The following C12orf54 variants were observed in gnomAD, a reference collection of about 807,000 sequenced individuals.
The protein encoded by C12orf54 is uncharacterized protein C12orf54.
C12orf54 carries 24 observed loss-of-function variants against 26.4 expected under a neutral mutation model. The observed-to-expected ratio is 0.91, with a 90% CI of 0.66 to 1.28. C12orf54 has a LOEUF of 1.28. Among genes scored for constraint, C12orf54 ranks in the 50% most tolerant of loss-of-function variants. The probability of loss-of-function intolerance (pLI) is 0.00; values close to 1 mark genes in which losing one functional copy is unlikely to be tolerated. For missense variants in C12orf54, 154 were observed against 150.9 expected (o/e 1.02, Z -0.11); for synonymous variants, 54 against 47.0 (o/e 1.15, Z -0.61).
chr12:48,492,378 A>C (rs17123105), intron 6 of C12orf54, among the ~76,000 whole-genome samples: 22,272 of 152,114 alleles, frequency 0.15, 2,858 homozygotes, highest in East Asian at 0.66. Context: ...AAGGTTCAAA[A>C]AGTCAAAAAG....
chr12:48,487,873 G>C, intron 4 of C12orf54: 1 of 564,740 alleles, frequency 1.8e-6, no homozygotes, highest in East Asian at 2.8e-5. Context: ...TTCATGGCTG[G>C]GTAACACAGT....
the C12orf54 span, among the ~76,000 whole-genome samples, chr12:48,429,272 C>G: frequency 6.6e-6 from 1 of 152,072 alleles, no homozygotes; most frequent in African/African-American, 2.4e-5. Flanking sequence ...CAAGGATGCC[C>G]ACTCTCACCA....
Position 48,483,192 on chromosome 12 carries a change from T to C in C12orf54, c.-57-48T>C, listed in dbSNP as rs932965096. On this transcript the variant is annotated intron_variant, in intron 1 of 8. Transcript: ENST00000548364. ...TTCTCCACTGAATAAGCGCTTTTCT[T>C]CTCACCATGTACCTGCCTTCTCCGC... The C allele has an allele frequency of 9.3e-6, 9 of 966,602 alleles. No individual in the cohort carries two copies. The African/African-American group carries it at 1.5e-4, about 16-fold the overall frequency. The allele number at this position is 966,602 out of a possible 1,614,324, so 59.9% of individuals were successfully genotyped here.
chr12:48,435,827 A>T, the C12orf54 span, among the ~76,000 whole-genome samples: 4 of 152,228 alleles, frequency 2.6e-5, no homozygotes, highest in African/African-American at 9.6e-5. Flanking sequence ...AACACCATCA[A>T]GGCTAGGAAG....
the C12orf54 span, among the ~76,000 whole-genome samples, chr12:48,434,308 C>CCTGT: frequency 1.3e-5 from 2 of 152,224 alleles, no homozygotes; most frequent in African/African-American, 4.8e-5. Context: ...AGGAGGACTG[C>CCTGT]CTGCCTCTGT....
At chr12:48,480,472 A>G (rs1169101838), upstream of C12orf54, among the ~76,000 whole-genome samples, 4 of 152,340 alleles carry the variant, frequency 2.6e-5, no homozygotes, top group East Asian at 7.7e-4. Context: ...CAACAAATAT[A>G]TGAAAAAATG....
chr12:48,420,847 G>T, the C12orf54 span, among the ~76,000 whole-genome samples: 2 of 152,066 alleles, frequency 1.3e-5, no homozygotes, highest in Non-Finnish European at 2.9e-5. Flanking sequence ...AGTCTACCTT[G>T]CCTGTTTGAT....
chr12:48,470,586 T>C, the C12orf54 span, among the ~76,000 whole-genome samples: 1 of 152,150 alleles, frequency 6.6e-6, no homozygotes, highest in Non-Finnish European at 1.5e-5. Context: ...AGATGCATAG[T>C]TTGCAAATAT....
At chr12:48,466,307 G>T in the C12orf54 span, among the ~76,000 whole-genome samples, 1 of 152,190 alleles carries the variant, frequency 6.6e-6, no homozygotes, top group Non-Finnish European at 1.5e-5. Flanking sequence ...ACTTTGGGAG[G>T]CCTACGCAAA....
upstream of C12orf54, among the ~76,000 whole-genome samples, chr12:48,481,115 C>T (rs994258304): frequency 6.6e-6 from 1 of 152,174 alleles, no homozygotes; most frequent in African/African-American, 2.4e-5. Flanking sequence ...GTCTGGGTGA[C>T]AGGATCAATA....
chr12:48,491,979 A>G (rs1215299105), intron 6 of C12orf54, among the ~76,000 whole-genome samples: 1 of 152,174 alleles, frequency 6.6e-6, no homozygotes, highest in Non-Finnish European at 1.5e-5. Flanking sequence ...CCCACTGATT[A>G]TCAAGGATAT....
At chr12:48,440,078 C>T in the C12orf54 span, among the ~76,000 whole-genome samples, 1 of 151,610 alleles carries the variant, frequency 6.6e-6, no homozygotes, top group Non-Finnish European at 1.5e-5. Flanking sequence ...TACAAAAATT[C>T]GCCAACTATG....
the C12orf54 span, among the ~76,000 whole-genome samples, chr12:48,414,304 G>A: frequency 6.6e-6 from 1 of 152,222 alleles, no homozygotes; most frequent in Non-Finnish European, 1.5e-5. Context: ...ATAAGCTCCT[G>A]ACTACTGCCT....
the C12orf54 span, among the ~76,000 whole-genome samples, chr12:48,416,050 C>A: frequency 6.6e-6 from 1 of 152,178 alleles, no homozygotes; most frequent in Non-Finnish European, 1.5e-5. Flanking sequence ...GCAGCAAGCC[C>A]TATAACTGTA....
At chr12:48,480,207 T>TTGA (rs779712077), upstream of C12orf54, among the ~76,000 whole-genome samples, 17 of 152,202 alleles carry the variant, frequency 1.1e-4, no homozygotes, top group Non-Finnish European at 2.4e-4. Flanking sequence ...AAAAAGAATG[T>TTGA]ATGGTTGAAA....
intron 5 of C12orf54, among the ~76,000 whole-genome samples, chr12:48,489,869 G>A (rs753557412): frequency 2.2e-4 from 33 of 151,928 alleles, no homozygotes; most frequent in Non-Finnish European, 4.0e-4. Context: ...TTACAGGTAT[G>A]TGCCACCACG....
chr12:48,433,725 G>A, the C12orf54 span, among the ~76,000 whole-genome samples: 3 of 152,166 alleles, frequency 2.0e-5, no homozygotes, highest in Non-Finnish European at 4.4e-5. Context: ...GGAATTACAG[G>A]TGTGAGCCAC....
chr12:48,437,704 G>T, the C12orf54 span, among the ~76,000 whole-genome samples: 1 of 152,192 alleles, frequency 6.6e-6, no homozygotes, highest in Middle Eastern at 3.4e-3. Flanking sequence ...ATTCAACAAT[G>T]CTTCATGCTA....
At chr12:48,453,674 G>GCAAAAT in the C12orf54 span, among the ~76,000 whole-genome samples, 1 of 144,020 alleles carries the variant, frequency 6.9e-6, no homozygotes, top group African/African-American at 2.7e-5. Flanking sequence ...GAAGAGCCAG[G>GCAAAAT]ATTTATCCTC....
Sources: allele counts gnomAD v4.1 joint callset (sites outside exome capture counted in the v4.1 genomes callset), GRCh38; gene constraint gnomAD v4.1.1; transcripts MANE v1.5; gene names NCBI Gene and HGNC (gene_info 2026-07-23, HGNC 2026-07-21).